Variants in TRANK1 observed in about 807,000 individuals in gnomAD.
The protein encoded by TRANK1 is TPR and ankyrin repeat-containing protein 1.
TRANK1 carries 198 observed loss-of-function variants against 266.0 expected under a neutral mutation model. The ratio of observed to expected loss-of-function variants is 0.74; its 90% CI spans 0.66 to 0.84. The LOEUF (loss-of-function observed/expected upper bound fraction) is 0.84. TRANK1 is among the 40% of genes least tolerant of loss of function. The pLI is 0.00. For missense variants in TRANK1, 3,326 were observed against 3,634.6 expected, an observed-to-expected ratio of 0.92 and a Z score of 2.18; for synonymous variants, 1,396 against 1,384.1, an observed-to-expected ratio of 1.01 and a Z score of -0.19.
chr3:36,842,241 A>G (rs2078854036), intron 18 of TRANK1, among the ~76,000 whole-genome samples: 1 of 152,238 alleles, frequency 6.6e-6, no homozygotes, highest in African/African-American at 2.4e-5. Flanking sequence ...TTTGAAAAAA[A>G]TCAAATGAAA....
rs747043300 is a variant in TRANK1, at chr3:36,856,127, G to A, written c.3595C>T (p.His1199Tyr). 1.2e-6 allele frequency: 2 copies of A among 1,613,766 alleles called. No individual in the cohort carries two copies. The highest frequency in any genetic ancestry group is 2.2e-5 in the East Asian group (1 of 44,872). Residue 1199 changes from histidine to tyrosine, a missense_variant, in exon 13 of 24, where the codon CAT (histidine) becomes TAT (tyrosine). Transcript: ENST00000645898. ...HLHQIFVTKN[H>Y]VLCQEVQRNF... ...CTTTGTACCTCCTGGCACAGCACAT[G>A]GTTCTTGGTCACAAAGATCTGATGT...
At chr3:36,863,009 GA>G (rs549408134) in intron 10 of TRANK1, among the ~76,000 whole-genome samples, 1 of 149,966 alleles carries the variant, frequency 6.7e-6, no homozygotes, top group Non-Finnish European at 1.5e-5. Flanking sequence ...ATACAAAGAG[GA>G]AAAAAAAAGG....
chr3:36,944,787 C>G lies in TRANK1; in HGVS notation c.23G>C (p.Arg8Thr). 1 of 1,495,374 alleles carries G rather than the reference C, an allele frequency of 6.7e-7. No homozygotes were observed. Among genetic ancestry groups the G allele is most frequent in the South Asian group, 1.2e-5 (1 of 80,442 alleles). 92.6% of individuals were successfully genotyped at this position (1,495,374 alleles called of 1,614,324 possible). MWDPRAA[R>T]MDLTAYAELL... is the part of the protein sequence containing the mutation. ...CAGTGCTTCCCGCGCCGCTACGCACCTAGCTGCCCGCGGGTCCCACATGGC... is the reference window on the plus strand; with the variant it reads ...CAGTGCTTCCCGCGCCGCTACGCACGTAGCTGCCCGCGGGTCCCACATGGC... Residue 8 changes from arginine (R) to threonine (T), a missense_variant and splice_region_variant, in exon 1 of 24, where the codon AGG becomes ACG. Coordinates refer to ENST00000645898, the MANE Select transcript of TRANK1 (RefSeq NM_001329998.2).
chr3:36,878,106 G>A (rs1219192658), intron 8 of TRANK1, among the ~76,000 whole-genome samples: 1 of 152,172 alleles, frequency 6.6e-6, no homozygotes, highest in Non-Finnish European at 1.5e-5. Flanking sequence ...AGAGGACAGC[G>A]AGCATCACTG....
intron 1 of TRANK1, among the ~76,000 whole-genome samples, chr3:36,909,010 T>A (rs954269501): frequency 6.6e-6 from 1 of 152,212 alleles, no homozygotes; most frequent in African/African-American, 2.4e-5. Context: ...TCTTAGCAGA[T>A]GGAACAGGGA....
intron 3 of TRANK1, among the ~76,000 whole-genome samples, chr3:36,899,611 G>C (rs1575285624): frequency 6.6e-6 from 1 of 152,168 alleles, no homozygotes; most frequent in South Asian, 2.1e-4. Flanking sequence ...GTGAGTTACA[G>C]TCATGCTACT....
At position 36,832,404 on chromosome 3, in the gene TRANK1, G is replaced by A. The variant is rs1559413054; in HGVS notation, c.7179C>T (p.Asn2393=). Residue 2393 remains asparagine, a synonymous_variant, in exon 22 of 24, where the codon AAC becomes AAT. Transcript: ENST00000645898. ...TCTTGTCCATATTTTCATCATCCCT[G>A]TTGGGTGCCAGCATGCCAAATTTCC... ...IEGKFGMLAP[N]RDDENMDKTH... is the part of the protein sequence containing the mutation. The A allele has an allele frequency of 1.9e-6, 3 of 1,613,876 alleles. No homozygotes were observed. The highest frequency in any genetic ancestry group is 1.6e-4 in the Middle Eastern group (1 of 6,084).
At position 36,879,751 on chromosome 3, in the gene TRANK1, AATAT is replaced by A. The variant is rs68040459; in HGVS notation, c.908-5459_908-5456del. ...ATATATATAAATATACAAATATATA[AATAT>A]ATATAAATATATATAAATATATATA... On this transcript the variant is annotated intron_variant, in intron 8 of 23. Transcript: ENST00000645898. Among the ~76,000 whole-genome samples, 8 of 91,356 alleles carry A rather than the reference AATAT, an allele frequency of 8.8e-5. 2 individuals are homozygous for A. The highest frequency in any genetic ancestry group is 1.5e-4 in the Non-Finnish European group (8 of 51,824). 59.9% of individuals were successfully genotyped at this position (91,356 alleles called of 152,430 possible).
Position 36,828,314 on chromosome 3 carries a change from T to C in TRANK1, c.8871A>G (p.Arg2957=). 6.2e-7 allele frequency: 1 copy of C among 1,612,564 alleles called. No individual in the cohort carries two copies. The highest frequency in any genetic ancestry group is 8.5e-7 in the Non-Finnish European group (1 of 1,179,316). Reference sequence around the variant, plus strand: ...GCTTTCCACATTTCCGAGAACGCCTTCTAGGCCGAAGCTCACCAAAGTCTT... The same window carrying C: ...GCTTTCCACATTTCCGAGAACGCCTCCTAGGCCGAAGCTCACCAAAGTCTT... ...EVEDFGELRP[R]RRSRKCGKQR... The change falls in exon 24 of 24, where the codon AGA becomes AGG. Residue 2957 remains arginine, a synonymous_variant. Coordinates refer to ENST00000645898, the MANE Select transcript of TRANK1 (RefSeq NM_001329998.2).
At position 36,831,248 on chromosome 3, in the gene TRANK1, C is replaced by T. The variant is rs765419817; in HGVS notation, c.8335G>A (p.Gly2779Ser). 6.2e-7 allele frequency: 1 copy of T among 1,613,494 alleles called. No individual in the cohort carries two copies. The highest frequency in any genetic ancestry group is 1.1e-5 in the South Asian group (1 of 91,078). ...CDLCGVKFTRGPENYFSPSKA... is the reference protein window; with the variant it reads ...CDLCGVKFTRSPENYFSPSKA... ...CTGGGGCTGAAATAGTTCTCTGGGC[C>T]ACGGGTAAACTTCACTCCACATAGG... The change falls in exon 22 of 24, where the codon GGC becomes AGC. Residue 2779 changes from glycine to serine, a missense_variant. Physicochemically the swap from Gly to Ser is moderately conservative, Grantham distance 56. Transcript: ENST00000645898. This position sits in a 1 kb window ranked among gnomAD's most constrained non-coding sequence, Gnocchi z 5.0.
chr3:36,939,116 A>G (rs1365389713), intron 1 of TRANK1, among the ~76,000 whole-genome samples: 1 of 151,898 alleles, frequency 6.6e-6, no homozygotes, highest in African/African-American at 2.4e-5. Context: ...CAGCGTGGGC[A>G]ACAGAGCGAA....
intron 1 of TRANK1, among the ~76,000 whole-genome samples, chr3:36,914,516 T>G (rs2080099222): frequency 6.6e-6 from 1 of 151,764 alleles, no homozygotes; most frequent in Non-Finnish European, 1.5e-5. Context: ...TTCACCCATT[T>G]TAAGTGTTCA....
chr3:36,855,138 C>T, intron 13 of TRANK1, 35 bp downstream of exon 13: 2 of 1,559,318 alleles, frequency 1.3e-6, no homozygotes, highest in Non-Finnish European at 1.7e-6. Flanking sequence ...TGTGCCTAAG[C>T]ACCCCCAGTA....
intron 8 of TRANK1, among the ~76,000 whole-genome samples, chr3:36,885,921 C>T (rs1042766942): frequency 2.6e-5 from 4 of 151,980 alleles, no homozygotes. Flanking sequence ...ATTTTTGTAA[C>T]TTTTCTATAA....
chr3:36,935,544 G>A (rs867747451), intron 1 of TRANK1, among the ~76,000 whole-genome samples: 11 of 149,660 alleles, frequency 7.3e-5, no homozygotes, highest in African/African-American at 2.0e-4. Context: ...TCTGTCTCCC[G>A]GGTTCAAGTG....
Position 36,831,420 on chromosome 3 carries a change from C to A in TRANK1, c.8163G>T (p.Arg2721=), listed in dbSNP as rs1429879511. The A allele has an allele frequency of 6.2e-7, 1 of 1,612,932 alleles. No individual in the cohort carries two copies. Among genetic ancestry groups the A allele is most frequent in the Non-Finnish European group, 8.5e-7 (1 of 1,179,542 alleles). Residue 2721 remains arginine (R), a synonymous_variant, in exon 22 of 24, where the codon CGG becomes CGT. Coordinates refer to ENST00000645898, the MANE Select transcript of TRANK1 (RefSeq NM_001329998.2). This position sits in a 1 kb window ranked among gnomAD's most constrained non-coding sequence, Gnocchi z 5.0. Reference sequence around the variant, plus strand: ...CCACCAGGCATGCCCTCCTCAACTTCCGCTGTATGGAGGCCTTCCGTTGCT... The same window carrying A: ...CCACCAGGCATGCCCTCCTCAACTTACGCTGTATGGAGGCCTTCCGTTGCT... The part of the protein sequence containing the change: ...SQKQRKASIQ[R]KLRRACLVVS...
chr3:36,882,900 A>C (rs1396489583), intron 8 of TRANK1, among the ~76,000 whole-genome samples: 3 of 152,248 alleles, frequency 2.0e-5, no homozygotes, highest in African/African-American at 7.2e-5. Context: ...ACACATAATT[A>C]GAGAAATGCA....
rs1482005335 is a variant in TRANK1, at chr3:36,857,035, C to T, written c.2687G>A (p.Gly896Glu). The T allele has an allele frequency of 6.2e-7, 1 of 1,613,888 alleles. No homozygotes were observed. Among genetic ancestry groups the T allele is most frequent in the Non-Finnish European group, 8.5e-7 (1 of 1,179,894 alleles). ...IQLFEAKLDK[G>E]ARMLWELAID... is the part of the protein sequence containing the mutation. ...GGCGAGCTCCCAGAGCATCCGGGCT[C>T]CTTTGTCCAGCTTAGCTTCGAAGAG... Residue 896 changes from glycine to glutamate, a missense_variant, in exon 13 of 24, where the codon GGA becomes GAA. Physicochemically the swap from Gly to Glu is moderately conservative, Grantham distance 98 (BLOSUM62 -2). Coordinates refer to ENST00000645898, the MANE Select transcript of TRANK1 (RefSeq NM_001329998.2). This position sits in a 1 kb window ranked among gnomAD's most constrained non-coding sequence, Gnocchi z 4.3.
chr3:36,901,144 T>C (rs1443942403), intron 3 of TRANK1, among the ~76,000 whole-genome samples: 1 of 149,004 alleles, frequency 6.7e-6, no homozygotes, highest in African/African-American at 2.5e-5. Flanking sequence ...GATCAGAATA[T>C]GCCACCCTAA....
Sources: gnomAD v4.1 joint callset for allele counts (sites outside exome capture counted in the v4.1 genomes callset) on GRCh38, gnomAD v4.1.1 for gene constraint, Gnocchi (gnomAD v3.1) non-coding constraint, MANE v1.5 for transcripts, NCBI Gene and HGNC (gene_info 2026-07-23, HGNC 2026-07-21) for gene names.